REEP5: variants seen among roughly 807,000 people sequenced by gnomAD.
The protein encoded by REEP5 is receptor expression-enhancing protein 5.
Under a neutral mutation model 22.4 loss-of-function variants are expected in REEP5, and 24 were observed. That is an observed-to-expected ratio of 1.07 (90% CI 0.78 to 1.51). The LOEUF (loss-of-function observed/expected upper bound fraction) is 1.51, where lower values mean the gene tolerates loss of function less well. Ranked by LOEUF, REEP5 falls within the 40% of genes most tolerant of loss-of-function variation. The probability of loss-of-function intolerance (pLI) is 0.00; values close to 1 mark genes in which losing one functional copy is unlikely to be tolerated. For missense variants in REEP5, 252 were observed against 233.0 expected, an observed-to-expected ratio of 1.08 and a Z score of -0.53; for synonymous variants, 103 against 88.6, an observed-to-expected ratio of 1.16 and a Z score of -0.92.
chr5:112,884,776 T>G (rs1768185650), intron 4 of REEP5, among the ~76,000 whole-genome samples: 1 of 109,838 alleles, frequency 9.1e-6, no homozygotes, highest in Non-Finnish European at 1.7e-5. Context: ...CCTCCAGTCC[T>G]TGGCCCCCCC....
At chr5:112,892,597 T>C (rs1768513191) in intron 3 of REEP5, 2 of 1,614,200 alleles carry the variant, frequency 1.2e-6, no homozygotes, top group Non-Finnish European at 8.5e-7. Context: ...TTGTGGTTTA[T>C]TTGAAATACA....
In REEP5 at chr5:112,894,127, T is replaced by G. The variant is rs534451470; in HGVS notation, c.352-6944A>C. 5.3e-5 allele frequency: 8 copies of G among 151,004 alleles called. No individual in the cohort carries two copies. In the South Asian group the frequency reaches 8.4e-4, roughly 16 times the overall value. 9.4% of individuals were successfully genotyped at this position (151,004 alleles called of 1,614,324 possible). On this transcript the variant is annotated intron_variant, in intron 3 of 4. Coordinates refer to ENST00000379638, the MANE Select transcript of REEP5 (RefSeq NM_005669.5). ...TTTTGTTTTTTTGGTTTTTTTTGTT[T>G]TTTTTTTTTTTTTGAGACGGAGTCT...
At chr5:112,906,413 A>G (rs1170488141) in intron 2 of REEP5, among the ~76,000 whole-genome samples, 3 of 152,256 alleles carry the variant, frequency 2.0e-5, no homozygotes, top group Non-Finnish European at 4.4e-5. Flanking sequence ...TGTCCGGTAC[A>G]AAGTAGGCAT....
intron 2 of REEP5, among the ~76,000 whole-genome samples, chr5:112,911,535 A>G (rs17311096): frequency 0.011 from 1,664 of 152,344 alleles, 24 homozygotes; most frequent in Non-Finnish European, 0.013. Flanking sequence ...TTCAGACACA[A>G]TAAATCCATC....
intron 3 of REEP5, among the ~76,000 whole-genome samples, chr5:112,902,007 G>C (rs980172338): frequency 6.8e-6 from 1 of 147,778 alleles, no homozygotes; most frequent in African/African-American, 2.5e-5. Context: ...AAGACAAAAA[G>C]AATTATATAT....
At chr5:112,892,737 C>T (rs752742299) in intron 3 of REEP5, 5 of 1,613,764 alleles carry the variant, frequency 3.1e-6, no homozygotes, top group African/African-American at 2.7e-5. Flanking sequence ...GCAAGAACTC[C>T]GAGAGGAGGG....
In REEP5 at chr5:112,887,188, A is replaced by C; in HGVS notation, c.352-5T>G. 6.3e-7 allele frequency: 1 copy of C among 1,578,804 alleles called. No individual in the cohort carries two copies. Among genetic ancestry groups the C allele is most frequent in the Non-Finnish European group, 8.6e-7 (1 of 1,156,150 alleles). ...GCACCACAACAGGAAGCCACACTGC[A>C]CAGAAAAAGAGCCAGCATGGGTAAC... is the stretch of plus-strand genomic sequence containing the variant. On this transcript the variant is annotated splice_polypyrimidine_tract_variant and splice_region_variant and intron_variant, in intron 3 of 4. Transcript: ENST00000379638.
chr5:112,891,095 CAG>C (rs766422449), intron 3 of REEP5, among the ~76,000 whole-genome samples: 1 of 147,738 alleles, frequency 6.8e-6, no homozygotes. Flanking sequence ...ATTTTTGAGA[CAG>C]AGTCTCACTC....
At chr5:112,908,611 T>C (rs13359728) in intron 2 of REEP5, among the ~76,000 whole-genome samples, 2,761 of 152,146 alleles carry the variant, frequency 0.018, 83 homozygotes, top group African/African-American at 0.063. Flanking sequence ...CTGCAAGCTC[T>C]GCCTCCCGGG....
At chr5:112,888,838 T>C (rs1356573077) in intron 3 of REEP5, among the ~76,000 whole-genome samples, 2 of 150,786 alleles carry the variant, frequency 1.3e-5, no homozygotes, top group Admixed American at 1.3e-4. Flanking sequence ...ATGGTTTAGC[T>C]GTGTCCCCAC....
At chr5:112,892,523 G>A (rs1183987551) in intron 3 of REEP5, 10 of 1,614,208 alleles carry the variant, frequency 6.2e-6, no homozygotes, top group Admixed American at 1.7e-5. Context: ...TTTAACGGAC[G>A]ATGGTATGCA....
At chr5:112,880,966 T>C (rs1768056121) in intron 4 of REEP5, among the ~76,000 whole-genome samples, 2 of 151,910 alleles carry the variant, frequency 1.3e-5, no homozygotes, top group South Asian at 4.2e-4. Flanking sequence ...GTGTCTCTAC[T>C]AAAAATACAA....
intron 4 of REEP5, among the ~76,000 whole-genome samples, chr5:112,882,779 A>G (rs1093611): frequency 2.0e-5 from 3 of 152,002 alleles, no homozygotes; most frequent in African/African-American, 4.8e-5. Context: ...ACAGAAAAAG[A>G]TGAGCAGTCC....
At position 112,876,900 on chromosome 5, in the gene REEP5, T is replaced by C. The variant is rs1265968890; in HGVS notation, c.*1886A>G. The C allele has an allele frequency of 6.6e-6, 1 of 152,224 alleles. No homozygotes were observed. The highest frequency in any genetic ancestry group is 1.5e-5 in the Non-Finnish European group (1 of 68,038). The allele number at this position is 152,224 out of a possible 1,614,324, so 9.4% of individuals were successfully genotyped here. The stretch of plus-strand genomic sequence containing the variant: ...TTAGCCTGTAAGTCATTATGAGCAA[T>C]AGTAACTTTTGTACCTCCTCATCTT... On this transcript the variant is annotated 3_prime_UTR_variant, in exon 5 of 5. Transcript: ENST00000379638.
In REEP5 at chr5:112,877,529, A is replaced by G. The variant is rs925488931; in HGVS notation, c.*1257T>C. On this transcript the variant is annotated 3_prime_UTR_variant, in exon 5 of 5. Coordinates refer to ENST00000379638, the MANE Select transcript of REEP5 (RefSeq NM_005669.5). ...CTATGTAGTCATGTGCAGCTTATCA[A>G]CACAAAGAATACGGATGAGGGCATT... 4 of 152,188 alleles carry G rather than the reference A, an allele frequency of 2.6e-5. No homozygotes were observed. The highest frequency in any genetic ancestry group is 7.2e-5 in the African/African-American group (3 of 41,454). 9.4% of individuals were successfully genotyped at this position (152,188 alleles called of 1,614,324 possible). A position where few individuals can be genotyped will look rare whatever the true frequency, so the allele number is the denominator to read the frequency against.
At chr5:112,911,069 T>C (rs565524634) in intron 2 of REEP5, among the ~76,000 whole-genome samples, 26 of 152,256 alleles carry the variant, frequency 1.7e-4, no homozygotes, top group African/African-American at 5.3e-4. Context: ...TGGGACAAAA[T>C]TTTCCTCTGC....
chr5:112,895,511 T>A (rs1227929648), intron 3 of REEP5: 1 of 149,736 alleles, frequency 6.7e-6, no homozygotes, highest in Non-Finnish European at 1.5e-5. Context: ...TGTCCACAGT[T>A]TTGTACCTCT....
chr5:112,882,327 A>G (rs1286188059), intron 4 of REEP5, among the ~76,000 whole-genome samples: 1 of 152,070 alleles, frequency 6.6e-6, no homozygotes. Context: ...CTCATTGTAG[A>G]TGATGATGGA....
intron 3 of REEP5, chr5:112,891,968 GAAAGTT>G (rs1768472096): frequency 2.4e-6 from 3 of 1,235,588 alleles, no homozygotes; most frequent in South Asian, 2.4e-5. Flanking sequence ...GAACAAGAGA[GAAAGTT>G]AAAGGAACAA....
Sources: allele counts gnomAD v4.1 joint callset (sites outside exome capture counted in the v4.1 genomes callset), GRCh38; gene constraint gnomAD v4.1.1; transcripts MANE v1.5; gene names NCBI Gene and HGNC (gene_info 2026-07-23, HGNC 2026-07-21).